The following DPP6 variants were observed in gnomAD, a reference collection of about 807,000 sequenced individuals.
DPP6 encodes the protein dipeptidyl peptidase like 6, also known as A-type potassium channel modulatory protein DPP6.
DPP6 carries 69 observed loss-of-function variants against 122.6 expected under a neutral mutation model. The observed-to-expected ratio is 0.56, with a 90% CI of 0.46 to 0.69. The LOEUF (loss-of-function observed/expected upper bound fraction) is 0.69. Among genes scored for constraint, DPP6 ranks in the 30% least tolerant of loss-of-function variants. The probability of loss-of-function intolerance (pLI) is 0.00; values close to 1 mark genes in which losing one functional copy is unlikely to be tolerated. For synonymous variants in DPP6, 418 were observed against 433.1 expected (o/e 0.97, Z 0.43); for missense variants, 928 against 1,116.9 (o/e 0.83, Z 2.41).
intron 1 of DPP6, among the ~76,000 whole-genome samples, chr7:154,031,180 A>C (rs1205523505): frequency 6.6e-6 from 1 of 152,038 alleles, no homozygotes; most frequent in Non-Finnish European, 1.5e-5. Flanking sequence ...ATGTGTGTTT[A>C]ATGAGTTTCA....
At chr7:154,621,837 C>T (rs923739216) in intron 5 of DPP6, among the ~76,000 whole-genome samples, 2 of 152,150 alleles carry the variant, frequency 1.3e-5, no homozygotes, top group Non-Finnish European at 2.9e-5. Context: ...AACCTGCTGG[C>T]AAACAGTGCC....
chr7:154,081,928 T>C (rs1804042807), intron 1 of DPP6, among the ~76,000 whole-genome samples: 1 of 152,174 alleles, frequency 6.6e-6, no homozygotes, highest in Non-Finnish European at 1.5e-5. Flanking sequence ...ACTGAAGACT[T>C]TCTGGAGCCA....
the DPP6 span, among the ~76,000 whole-genome samples, chr7:153,798,560 C>T: frequency 6.6e-6 from 1 of 152,154 alleles, no homozygotes; most frequent in Admixed American, 6.5e-5. Context: ...AATTGTGTTC[C>T]TTAAGGCAGC....
intron 1 of DPP6, among the ~76,000 whole-genome samples, chr7:154,082,904 A>G (rs995314699): frequency 4.4e-4 from 61 of 138,438 alleles, no homozygotes; most frequent in Non-Finnish European, 1.2e-4. Context: ...GCTGGAGTGC[A>G]GTGGTGTGAT....
chr7:154,346,831 G>A (rs1810439795), intron 1 of DPP6, among the ~76,000 whole-genome samples: 1 of 152,172 alleles, frequency 6.6e-6, no homozygotes, highest in South Asian at 2.1e-4. Context: ...ATACACTAAA[G>A]CTACCACACA....
rs1286211683 is a variant in DPP6, at chr7:154,803,639, A to T, written c.1408-225A>T. ...AAGAGGACAGGGCACTGTTCCCACC[A>T]CTGACATTCGGGGGTCGGGGAGGCT... On this transcript the variant is annotated intron_variant, in intron 13 of 25. Coordinates refer to ENST00000377770, the MANE Select transcript of DPP6 (RefSeq NM_130797.4). 2.0e-5 allele frequency among the ~76,000 whole-genome samples: 3 copies of T among 152,150 alleles called. No homozygotes were observed. The East Asian group carries it at 5.8e-4, about 29-fold the overall frequency.
intron 1 of DPP6, among the ~76,000 whole-genome samples, chr7:154,419,915 A>C (rs571099474): frequency 6.6e-6 from 1 of 152,134 alleles, no homozygotes; most frequent in Non-Finnish European, 1.5e-5. Context: ...AGCACCATTC[A>C]CGGCAGCCGA....
intron 12 of DPP6, 27 bp downstream of exon 12, chr7:154,795,910 C>T (rs1479215646): frequency 6.2e-7 from 1 of 1,603,688 alleles, no homozygotes; most frequent in Non-Finnish European, 8.5e-7. Flanking sequence ...CGGGTCCCCA[C>T]TGTCACCTCC....
chr7:154,336,075 T>C (rs960288281), intron 1 of DPP6, among the ~76,000 whole-genome samples: 4 of 151,976 alleles, frequency 2.6e-5, no homozygotes, highest in African/African-American at 9.7e-5. Flanking sequence ...CAAATACCTG[T>C]AGAAATCCAT....
the DPP6 span, among the ~76,000 whole-genome samples, chr7:153,840,068 T>C: frequency 6.6e-6 from 1 of 152,208 alleles, no homozygotes; most frequent in Non-Finnish European, 1.5e-5. Flanking sequence ...ACAGTTTTAT[T>C]GGTTGTAGAA....
the DPP6 span, among the ~76,000 whole-genome samples, chr7:153,839,573 C>A: frequency 7.9e-5 from 12 of 152,328 alleles, no homozygotes; most frequent in East Asian, 1.9e-3. Context: ...ACTGGGCAGG[C>A]TCCTTTCTGA....
At chr7:153,981,114 T>A (rs1464456006) in intron 1 of DPP6, among the ~76,000 whole-genome samples, 3 of 152,180 alleles carry the variant, frequency 2.0e-5, no homozygotes, top group African/African-American at 7.2e-5. Flanking sequence ...TAATTTTATG[T>A]CTCCTTCATC....
chr7:153,999,497 G>A (rs985153398), intron 1 of DPP6, among the ~76,000 whole-genome samples: 8 of 152,274 alleles, frequency 5.3e-5, no homozygotes, highest in South Asian at 2.1e-4. Flanking sequence ...TGCATTTGGC[G>A]TTTACTGTTG....
chr7:153,905,707 G>A (rs1477098436), intron 1 of DPP6, among the ~76,000 whole-genome samples: 1 of 152,192 alleles, frequency 6.6e-6, no homozygotes, highest in South Asian at 2.1e-4. Context: ...ACTTGTGAAG[G>A]CTGAGGAATA....
the DPP6 span, among the ~76,000 whole-genome samples, chr7:153,778,110 G>T: frequency 6.7e-6 from 1 of 149,806 alleles, no homozygotes; most frequent in Non-Finnish European, 1.5e-5. Flanking sequence ...TTCTAATAAG[G>T]TTATATGTTA....
intron 1 of DPP6, among the ~76,000 whole-genome samples, chr7:154,171,996 G>A (rs938910880): frequency 4.6e-5 from 7 of 152,142 alleles, no homozygotes; most frequent in Admixed American, 3.3e-4. Context: ...TGTACACACT[G>A]GGATGCAGAG....
At chr7:154,636,011 A>ATCTCT (rs1438301604) in intron 5 of DPP6, among the ~76,000 whole-genome samples, 1 of 152,138 alleles carries the variant, frequency 6.6e-6, no homozygotes, top group Non-Finnish European at 1.5e-5. Context: ...ATTAGGTTCC[A>ATCTCT]TCTCTTCTCT....
intron 10 of DPP6, among the ~76,000 whole-genome samples, chr7:154,784,960 A>G (rs1797252373): frequency 6.6e-6 from 1 of 152,156 alleles, no homozygotes; most frequent in Non-Finnish European, 1.5e-5. Flanking sequence ...AGCTTGAAAA[A>G]AAATATCTTA....
intron 1 of DPP6, among the ~76,000 whole-genome samples, chr7:154,085,007 A>AAAAAAAC (rs1563182900): frequency 4.0e-5 from 6 of 149,122 alleles, no homozygotes; most frequent in African/African-American, 1.0e-4. Context: ...AAAAAAAAAA[A>AAAAAAAC]AAAACAGGTG....
Sources: allele counts gnomAD v4.1 joint callset (sites outside exome capture counted in the v4.1 genomes callset), GRCh38; gene constraint gnomAD v4.1.1; transcripts MANE v1.5; gene names NCBI Gene and HGNC (gene_info 2026-07-23, HGNC 2026-07-21).